REDIC1: variants seen among roughly 807,000 people sequenced by gnomAD.
REDIC1 encodes regulator of DNA class I crossover intermediates 1.
At chr12:39,879,235 C>A in the REDIC1 span, among the ~76,000 whole-genome samples, 1 of 152,240 alleles carries the variant, frequency 6.6e-6, no homozygotes, top group African/African-American at 2.4e-5. Context: ...AGAACCCCTA[C>A]TAGGGAAGTA....
the REDIC1 span, among the ~76,000 whole-genome samples, chr12:39,895,911 T>TAC: frequency 1.8e-4 from 27 of 150,132 alleles, no homozygotes; most frequent in African/African-American, 6.3e-4. Context: ...CATATGTATA[T>TAC]GTATGCATAT....
At chr12:39,826,709 GT>G in the REDIC1 span, among the ~76,000 whole-genome samples, 7,646 of 145,468 alleles carry the variant, frequency 0.053, 578 homozygotes, top group African/African-American at 0.17. Context: ...AGCTTCCCAA[GT>G]TTTTTTTTTG....
chr12:39,665,170 T>G, the REDIC1 span, among the ~76,000 whole-genome samples: 1 of 152,084 alleles, frequency 6.6e-6, no homozygotes, highest in African/African-American at 2.4e-5. Context: ...TGAATGGTAT[T>G]GCCTAGGTTT....
chr12:39,735,973 G>A, the REDIC1 span, among the ~76,000 whole-genome samples: 440 of 152,304 alleles, frequency 2.9e-3, 1 homozygote, highest in African/African-American at 0.01. Context: ...CTGCCAGCTT[G>A]GACTAAAGGG....
chr12:39,675,274 A>G, the REDIC1 span, among the ~76,000 whole-genome samples: 5 of 152,068 alleles, frequency 3.3e-5, no homozygotes, highest in Admixed American at 1.3e-4. Flanking sequence ...AGCACTGCCC[A>G]AGGAGGGTCT....
At chr12:39,663,391 G>C in the REDIC1 span, among the ~76,000 whole-genome samples, 1 of 151,852 alleles carries the variant, frequency 6.6e-6, no homozygotes, top group Non-Finnish European at 1.5e-5. Flanking sequence ...AAGTGTTTTT[G>C]ACTTAAAGCC....
the REDIC1 span, among the ~76,000 whole-genome samples, chr12:39,711,400 C>T: frequency 7.1e-6 from 1 of 141,682 alleles, no homozygotes; most frequent in Non-Finnish European, 1.6e-5. Flanking sequence ...TGTACATATA[C>T]ACATAGATGT....
chr12:39,670,465 A>G, the REDIC1 span, among the ~76,000 whole-genome samples: 1 of 152,236 alleles, frequency 6.6e-6, no homozygotes, highest in Admixed American at 6.5e-5. Flanking sequence ...TACTGGGATT[A>G]GAGGCATGAA....
At chr12:39,783,988 G>T in the REDIC1 span, among the ~76,000 whole-genome samples, 1 of 152,116 alleles carries the variant, frequency 6.6e-6, no homozygotes, top group African/African-American at 2.4e-5. Context: ...GCTTCAAAGA[G>T]AATAAAATAC....
At chr12:39,789,494 C>G in the REDIC1 span, among the ~76,000 whole-genome samples, 2 of 152,084 alleles carry the variant, frequency 1.3e-5, no homozygotes, top group Non-Finnish European at 2.9e-5. Flanking sequence ...AATAATGCTG[C>G]TATGCACATA....
the REDIC1 span, among the ~76,000 whole-genome samples, chr12:39,773,125 C>A: frequency 2.0e-5 from 3 of 152,182 alleles, no homozygotes; most frequent in Non-Finnish European, 4.4e-5. Flanking sequence ...AATACTTTGA[C>A]ATCAGTGTGT....
At chr12:39,816,482 T>C in the REDIC1 span, among the ~76,000 whole-genome samples, 2 of 149,700 alleles carry the variant, frequency 1.3e-5, no homozygotes, top group South Asian at 4.3e-4. Flanking sequence ...CTAATGTAAA[T>C]GACGAGTTAA....
the REDIC1 span, among the ~76,000 whole-genome samples, chr12:39,904,918 A>C: frequency 6.6e-6 from 1 of 152,146 alleles, no homozygotes; most frequent in Non-Finnish European, 1.5e-5. Flanking sequence ...AACATGGTAC[A>C]TGCACACACA....
At chr12:39,804,136 CTAAA>C in the REDIC1 span, among the ~76,000 whole-genome samples, 2 of 151,928 alleles carry the variant, frequency 1.3e-5, no homozygotes. Flanking sequence ...GAAAAAAACA[CTAAA>C]TATCTTATTT....
the REDIC1 span, among the ~76,000 whole-genome samples, chr12:39,783,664 T>C: frequency 9.2e-5 from 14 of 152,346 alleles, no homozygotes; most frequent in African/African-American, 3.4e-4. Context: ...TGCATAAATG[T>C]CTTCTTTTGA....
chr12:39,894,500 CA>C, the REDIC1 span, among the ~76,000 whole-genome samples: 7,018 of 152,258 alleles, frequency 0.046, 295 homozygotes, highest in Admixed American at 0.13. Context: ...AATTAGCCTT[CA>C]AGTCTGAAAT....
At chr12:39,833,391 G>C in the REDIC1 span, among the ~76,000 whole-genome samples, 1 of 151,824 alleles carries the variant, frequency 6.6e-6, no homozygotes. Context: ...CAACTGCTCT[G>C]CTACCTCAAA....
At chr12:39,793,033 TA>T in the REDIC1 span, among the ~76,000 whole-genome samples, 1 of 152,166 alleles carries the variant, frequency 6.6e-6, no homozygotes, top group Non-Finnish European at 1.5e-5. Context: ...CCTTGGGTCA[TA>T]AAGATATAAA....
At chr12:39,770,034 C>T in the REDIC1 span, among the ~76,000 whole-genome samples, 1 of 152,048 alleles carries the variant, frequency 6.6e-6, no homozygotes, top group East Asian at 1.9e-4. Context: ...TCTCTTCCCT[C>T]TTTGCTTTTA....
Sources: allele counts gnomAD v4.1 joint callset (sites outside exome capture counted in the v4.1 genomes callset), GRCh38; gene constraint gnomAD v4.1.1; transcripts MANE v1.5; gene names NCBI Gene and HGNC (gene_info 2026-07-23, HGNC 2026-07-21).